EXOC2: variants seen among roughly 807,000 people sequenced by gnomAD.
EXOC2 encodes the protein SEC5-like 1.
A neutral mutation model predicts 131.8 loss-of-function variants in EXOC2; 70 were observed. The observed-to-expected ratio is 0.53, with a 90% CI of 0.44 to 0.65. The LOEUF (loss-of-function observed/expected upper bound fraction) is 0.65, where lower values mean the gene tolerates loss of function less well. Ranked by LOEUF, EXOC2 falls within the 30% of genes least tolerant of loss-of-function variation. The pLI, the probability that EXOC2 is intolerant of heterozygous loss-of-function variation, is 0.00. For synonymous variants in EXOC2, 411 were observed against 398.4 expected, an observed-to-expected ratio of 1.03 and a Z score of -0.38; for missense variants, 923 against 1,108.6, an observed-to-expected ratio of 0.83 and a Z score of 2.38.
At chr6:583,107 T>C (rs1445109489) in intron 11 of EXOC2, among the ~76,000 whole-genome samples, 1 of 152,242 alleles carries the variant, frequency 6.6e-6, no homozygotes. Context: ...CAAAGTCCTA[T>C]GTCTTTTAGC....
At chr6:674,815 G>C (rs1764036542) in intron 1 of EXOC2, among the ~76,000 whole-genome samples, 1 of 151,982 alleles carries the variant, frequency 6.6e-6, no homozygotes, top group African/African-American at 2.4e-5. Flanking sequence ...TCTGAGAACT[G>C]GCTAATTCCT....
chr6:497,013 C>T (rs571542484), intron 25 of EXOC2, among the ~76,000 whole-genome samples: 11 of 152,296 alleles, frequency 7.2e-5, no homozygotes, highest in Admixed American at 2.0e-4. Context: ...GCAAACTGCA[C>T]TGAATGCTTT....
chr6:546,685 T>C lies in EXOC2; in HGVS notation c.2238+2490A>G, dbSNP rs116780161. ...ATTCACTTCCACTTTATGAATAGTG[T>C]TAATATATTTTGTCTTCCTAATAAT... On this transcript the variant is annotated intron_variant, in intron 22 of 27. Transcript: ENST00000230449. Among the ~76,000 whole-genome samples the C allele has an allele frequency of 2.7e-3, 405 of 152,372 alleles. 1 individual carries two copies. Among genetic ancestry groups the C allele is most frequent in the African/African-American group, 9.4e-3 (392 of 41,586 alleles).
intron 8 of EXOC2, 65 bp downstream of exon 8, chr6:599,015 C>T: frequency 6.4e-7 from 1 of 1,559,688 alleles, no homozygotes; most frequent in Non-Finnish European, 8.7e-7. Context: ...TAAAAAACAT[C>T]TTAAAAAATC....
At chr6:635,995 G>A (rs1466763676) in intron 2 of EXOC2, among the ~76,000 whole-genome samples, 3 of 152,236 alleles carry the variant, frequency 2.0e-5, no homozygotes, top group African/African-American at 7.2e-5. Context: ...CCCAGGAGGC[G>A]GAGGTTGCAG....
At chr6:616,638 C>A (rs1761027076) in intron 6 of EXOC2, among the ~76,000 whole-genome samples, 1 of 150,166 alleles carries the variant, frequency 6.7e-6, no homozygotes. Context: ...CTTCTACCTG[C>A]AAGGAAGAAG....
intron 19 of EXOC2, among the ~76,000 whole-genome samples, chr6:555,681 C>T (rs957665011): frequency 5.3e-5 from 8 of 152,150 alleles, no homozygotes; most frequent in Non-Finnish European, 1.2e-4. Context: ...ATTTAATTTA[C>T]GTTGTGCTCG....
chr6:517,840 T>C (rs1765239922), intron 23 of EXOC2, among the ~76,000 whole-genome samples: 1 of 152,186 alleles, frequency 6.6e-6, no homozygotes. Flanking sequence ...AGGAACAGGT[T>C]AAATGACACC....
intron 23 of EXOC2, among the ~76,000 whole-genome samples, chr6:515,780 A>C (rs1765127596): frequency 1.3e-5 from 2 of 152,142 alleles, no homozygotes; most frequent in South Asian, 4.1e-4. Context: ...AGTGACTGTA[A>C]TCATACAACG....
chr6:673,577 T>C (rs1329615229), intron 1 of EXOC2, among the ~76,000 whole-genome samples: 8 of 152,212 alleles, frequency 5.3e-5, no homozygotes, highest in Non-Finnish European at 1.2e-4. Context: ...TTGAGATCTA[T>C]GTTTTCAGAA....
chr6:580,043 T>C (rs1464299380), intron 11 of EXOC2, among the ~76,000 whole-genome samples: 1 of 87,276 alleles, frequency 1.1e-5, no homozygotes, highest in Non-Finnish European at 2.5e-5. Context: ...GGTGCAGTTT[T>C]TTTTGTTTTT....
rs762028288 is a variant in EXOC2 at position 486,743 on chromosome 6, G to C, written c.2703C>G (p.Asn901Lys). ...ADKKLLEELL[N>K]KFKSSMHLQL... is the part of the protein sequence containing the mutation. ...GCAAGTGCATGCTACTCTTGAACTT[G>C]TTCAGGAGCTCTTCCAGTAACCTGC... The change falls in exon 28 of 28, where the codon AAC (asparagine) becomes AAG (lysine). Residue 901 changes from asparagine (N) to lysine (K), a missense_variant. Physicochemically the swap from Asn to Lys is moderately conservative, Grantham distance 94. Coordinates refer to ENST00000230449, the MANE Select transcript of EXOC2 (RefSeq NM_018303.6). 7 of 1,614,098 alleles carry C rather than the reference G, an allele frequency of 4.3e-6. No individual in the cohort carries two copies. The South Asian group carries it at 5.5e-5, about 13-fold the overall frequency.
intron 4 of EXOC2, among the ~76,000 whole-genome samples, chr6:623,047 G>A (rs1331620775): frequency 1.3e-5 from 2 of 152,198 alleles, no homozygotes; most frequent in Admixed American, 6.5e-5. Flanking sequence ...AGCAGGGATG[G>A]GTCTAGCCAG....
intron 1 of EXOC2, among the ~76,000 whole-genome samples, chr6:650,324 G>C (rs998542561): frequency 1.3e-5 from 2 of 152,230 alleles, no homozygotes; most frequent in Non-Finnish European, 2.9e-5. Context: ...GATTGGATGA[G>C]ATCAGCTCTA....
intron 1 of EXOC2, among the ~76,000 whole-genome samples, chr6:692,629 G>A (rs1373492064): frequency 2.0e-5 from 3 of 152,390 alleles, no homozygotes; most frequent in Admixed American, 6.5e-5. Context: ...CACCCGCCTC[G>A]CGTTCACTTT....
chr6:538,551 G>A (rs999956230), intron 22 of EXOC2, among the ~76,000 whole-genome samples: 3 of 152,206 alleles, frequency 2.0e-5, no homozygotes, highest in Non-Finnish European at 4.4e-5. Flanking sequence ...GGGTGAGAAA[G>A]GCAGCAGAGT....
chr6:685,583 A>G (rs1260661698), intron 1 of EXOC2, among the ~76,000 whole-genome samples: 6 of 152,230 alleles, frequency 3.9e-5, no homozygotes, highest in Non-Finnish European at 1.5e-5. Flanking sequence ...TAGCACTGCC[A>G]CAAATTCTAC....
At chr6:599,461 C>T (rs552366902) in intron 7 of EXOC2, among the ~76,000 whole-genome samples, 1 of 152,254 alleles carries the variant, frequency 6.6e-6, no homozygotes, top group African/African-American at 2.4e-5. Context: ...ATTTACCATG[C>T]CCAAATAAAT....
chr6:560,181 A>C (rs1757626730), intron 17 of EXOC2, among the ~76,000 whole-genome samples: 1 of 152,254 alleles, frequency 6.6e-6, no homozygotes, highest in African/African-American at 2.4e-5. Context: ...AGAGCTTTGC[A>C]GTTTACCAGG....
Sources: allele counts gnomAD v4.1 joint callset (sites outside exome capture counted in the v4.1 genomes callset), GRCh38; gene constraint gnomAD v4.1.1; transcripts MANE v1.5; gene names NCBI Gene and HGNC (gene_info 2026-07-23, HGNC 2026-07-21).